The following ACACA variants were observed in gnomAD, a reference collection of about 807,000 sequenced individuals.
The protein encoded by ACACA is acetyl-CoA carboxylase 1.
A neutral mutation model predicts 296.1 loss-of-function variants in ACACA; 103 were observed. That is an observed-to-expected ratio of 0.35 (90% CI 0.30 to 0.41). ACACA has a LOEUF of 0.41. ACACA is among the 10% of genes least tolerant of loss of function. ACACA has a pLI of 1.00. For synonymous variants in ACACA, 953 were observed against 1,038.6 expected, an observed-to-expected ratio of 0.92 and a Z score of 1.58; for missense variants, 1,554 against 2,989.7, an observed-to-expected ratio of 0.52 and a Z score of 11.20.
rs144742777 is a variant in ACACA, at chr17:37,155,036, T to C, written c.5447+647A>G. Among the ~76,000 whole-genome samples, 985 of 152,258 alleles carry C rather than the reference T, an allele frequency of 6.5e-3. 33 individuals are homozygous for C. Among genetic ancestry groups the C allele is most frequent in the Admixed American group, 0.056 (853 of 15,288 alleles). Reference sequence around the variant, plus strand: ...ATTTAAAATTATTTTTTAAAATCCTTAAAAATTGACTTTTCGACCTGCAAT... The same window carrying C: ...ATTTAAAATTATTTTTTAAAATCCTCAAAAATTGACTTTTCGACCTGCAAT... On this transcript the variant is annotated intron_variant, in intron 43 of 55. Coordinates refer to ENST00000616317, the MANE Select transcript of ACACA (RefSeq NM_198834.3).
At chr17:37,225,868 G>A (rs976075810) in intron 26 of ACACA, among the ~76,000 whole-genome samples, 2 of 152,180 alleles carry the variant, frequency 1.3e-5, no homozygotes, top group African/African-American at 4.8e-5. Flanking sequence ...AAGACTGCAG[G>A]GTGAAACTAA....
Position 37,275,986 on chromosome 17 carries a change from G to T in ACACA, c.866C>A (p.Thr289Asn). The T allele has an allele frequency of 6.2e-7, 1 of 1,614,222 alleles. No individual in the cohort carries two copies. Among genetic ancestry groups the T allele is most frequent in the Non-Finnish European group, 8.5e-7 (1 of 1,180,026 alleles). ...DKIASSIVAQ[T>N]AGIPTLPWSG... is the part of the protein sequence containing the mutation. ...CCAGGGAAGAGTTGGGATACCTGCAGTTTGAGCCACTATGGAAGATGCAAT... is the reference window on the plus strand; with the variant it reads ...CCAGGGAAGAGTTGGGATACCTGCATTTTGAGCCACTATGGAAGATGCAAT... The change falls in exon 8 of 56, where the codon ACT becomes AAT. Residue 289 changes from threonine to asparagine, a missense_variant. Thr to Asn is a moderately conservative substitution (Grantham distance 65). Coordinates refer to ENST00000616317, the MANE Select transcript of ACACA (RefSeq NM_198834.3).
intron 1 of ACACA, among the ~76,000 whole-genome samples, chr17:37,357,882 A>G (rs4795194): frequency 0.18 from 27,386 of 152,154 alleles, 3,231 homozygotes; most frequent in East Asian, 0.5. Context: ...TGAGTGAGAA[A>G]AGACCATGTA....
chr17:37,299,595 C>T (rs764963394), intron 3 of ACACA: 55 of 1,281,998 alleles, frequency 4.3e-5, no homozygotes, highest in Non-Finnish European at 5.4e-5. Flanking sequence ...CTTACACACA[C>T]AATTAGTTGA....
chr17:37,308,634 TA>T (rs1172811316), intron 3 of ACACA, among the ~76,000 whole-genome samples: 1 of 152,088 alleles, frequency 6.6e-6, no homozygotes, highest in Admixed American at 6.6e-5. Context: ...AAATACATAA[TA>T]TGTATAATTT....
intron 14 of ACACA, 51 bp from the exon 15 acceptor site, chr17:37,253,087 T>C (rs1248995736): frequency 1.2e-6 from 2 of 1,613,816 alleles, no homozygotes; most frequent in Non-Finnish European, 1.7e-6. Context: ...TTAATGTTTT[T>C]CAATAATTTT....
intron 52 of ACACA, among the ~76,000 whole-genome samples, chr17:37,104,880 G>A (rs2073575617): frequency 6.8e-6 from 1 of 148,144 alleles, no homozygotes; most frequent in African/African-American, 2.5e-5. Context: ...GTCGAGGTGT[G>A]GTGAGCTGTG....
intron 42 of ACACA, among the ~76,000 whole-genome samples, chr17:37,157,750 G>C (rs567961546): frequency 6.6e-6 from 1 of 152,034 alleles, no homozygotes; most frequent in East Asian, 1.9e-4. Flanking sequence ...TGGCCAGGCT[G>C]TTCTCGAACT....
chr17:37,260,277 TATATATATATATATATA>T (rs2081416113), intron 11 of ACACA, among the ~76,000 whole-genome samples: 4 of 31,842 alleles, frequency 1.3e-4, no homozygotes, highest in African/African-American at 3.9e-4. Flanking sequence ...TATATATATA[TATATATATATATATATA>T]TATTTTTTTT....
intron 35 of ACACA, among the ~76,000 whole-genome samples, chr17:37,199,822 G>A (rs1172064609): frequency 9.4e-6 from 1 of 106,480 alleles, no homozygotes; most frequent in Non-Finnish European, 1.7e-5. Context: ...TTCATTATAG[G>A]GTTAAAAAAA....
chr17:37,109,641 G>C (rs994830235), intron 52 of ACACA, among the ~76,000 whole-genome samples: 7 of 152,228 alleles, frequency 4.6e-5, no homozygotes, highest in Admixed American at 1.3e-4. Context: ...TGTAACAAAT[G>C]ATTAAACGGC....
intron 1 of ACACA, among the ~76,000 whole-genome samples, chr17:37,348,078 C>T (rs2048713908): frequency 6.6e-6 from 1 of 151,220 alleles, no homozygotes; most frequent in Non-Finnish European, 1.5e-5. Flanking sequence ...GAGGCTGAGG[C>T]AGCAGAACTG....
At chr17:37,313,010 T>C (rs1206465404) in intron 3 of ACACA, among the ~76,000 whole-genome samples, 2 of 152,228 alleles carry the variant, frequency 1.3e-5, no homozygotes, top group Non-Finnish European at 2.9e-5. Flanking sequence ...GAAGAATCTT[T>C]CCTTGATGAA....
intron 8 of ACACA, 142 bp downstream of exon 8, chr17:37,275,809 G>T: frequency 2.6e-6 from 2 of 760,510 alleles, no homozygotes; most frequent in South Asian, 1.5e-5. Context: ...TATTAATTAA[G>T]CTAGGAGCTA....
chr17:37,320,619 TATTTA>T (rs1220885765), intron 3 of ACACA, among the ~76,000 whole-genome samples: 1 of 151,934 alleles, frequency 6.6e-6, no homozygotes, highest in Non-Finnish European at 1.5e-5. Flanking sequence ...TTGGGCATGT[TATTTA>T]ATTTATGTCT....
At chr17:37,338,894 T>C (rs1287358807) in intron 2 of ACACA, among the ~76,000 whole-genome samples, 1 of 148,338 alleles carries the variant, frequency 6.7e-6, no homozygotes, top group Non-Finnish European at 1.5e-5. Flanking sequence ...GTGCCGAGAT[T>C]GCGCCACTGC....
intron 14 of ACACA, among the ~76,000 whole-genome samples, chr17:37,253,823 G>A (rs1410947974): frequency 6.6e-6 from 1 of 152,020 alleles, no homozygotes; most frequent in African/African-American, 2.4e-5. Flanking sequence ...ATTTTCCCAA[G>A]TGCTTAATTT....
intron 5 of ACACA, 123 bp downstream of exon 5, chr17:37,283,144 A>G (rs2082619942): frequency 8.4e-7 from 1 of 1,190,918 alleles, no homozygotes; most frequent in African/African-American, 1.5e-5. Flanking sequence ...ATTATTTTAA[A>G]AGGATTTTAC....
chr17:37,194,933 A>AACCCCCCCC (rs2077922268), intron 35 of ACACA, among the ~76,000 whole-genome samples: 1 of 150,454 alleles, frequency 6.6e-6, no homozygotes, highest in African/African-American at 2.5e-5. Flanking sequence ...ATTCTCTGAC[A>AACCCCCCCC]CCCCCCCCAC....
Sources: allele counts gnomAD v4.1 joint callset (sites outside exome capture counted in the v4.1 genomes callset), GRCh38; gene constraint gnomAD v4.1.1; transcripts MANE v1.5; gene names NCBI Gene and HGNC (gene_info 2026-07-23, HGNC 2026-07-21).